PSMD11: variants seen among roughly 807,000 people sequenced by gnomAD.
The protein encoded by PSMD11 is proteasome 26S subunit, non-ATPase 11.
In PSMD11, 5 loss-of-function variants were observed where a neutral mutation model predicts 62.3. That is an observed-to-expected ratio of 0.08 (90% confidence interval 0.04 to 0.17). PSMD11 has a LOEUF of 0.17. Among genes scored for constraint, PSMD11 ranks in the 10% least tolerant of loss-of-function variants. The pLI, the probability that PSMD11 is intolerant of heterozygous loss-of-function variation, is 1.00. For missense variants in PSMD11, 310 were observed against 512.9 expected (o/e 0.60, Z 3.82); for synonymous variants, 191 against 191.8 (o/e 1.00, Z 0.03).
chr17:32,474,535 C>T (rs1908262892), intron 7 of PSMD11, among the ~76,000 whole-genome samples: 1 of 152,094 alleles, frequency 6.6e-6, no homozygotes, highest in Non-Finnish European at 1.5e-5. Flanking sequence ...AGGTTCAGTT[C>T]AGCTTTCTAA....
intron 7 of PSMD11, 105 bp from the exon 8 acceptor site, chr17:32,474,659 C>T: frequency 9.0e-7 from 1 of 1,105,326 alleles, no homozygotes; most frequent in Non-Finnish European, 1.4e-6. Context: ...TCTGTGTGGG[C>T]AGAGTCTTTA....
intron 8 of PSMD11, among the ~76,000 whole-genome samples, chr17:32,475,667 C>T (rs930200405): frequency 2.0e-5 from 3 of 149,834 alleles, no homozygotes; most frequent in African/African-American, 4.9e-5. Flanking sequence ...TGGCGTATCT[C>T]GGCTCACTGC....
intron 5 of PSMD11, among the ~76,000 whole-genome samples, chr17:32,467,977 T>G (rs1281088869): frequency 6.6e-6 from 1 of 152,114 alleles, no homozygotes; most frequent in Non-Finnish European, 1.5e-5. Context: ...TGATAGGCCT[T>G]AGTGTGTGGT....
intron 9 of PSMD11, among the ~76,000 whole-genome samples, chr17:32,478,435 T>A (rs948851016): frequency 5.9e-5 from 9 of 152,224 alleles, no homozygotes; most frequent in African/African-American, 2.2e-4. Context: ...CCATTACTGA[T>A]GGTCCAGTAA....
intron 3 of PSMD11, among the ~76,000 whole-genome samples, chr17:32,455,062 A>T (rs1367297637): frequency 6.6e-6 from 1 of 151,884 alleles, no homozygotes; most frequent in African/African-American, 2.4e-5. Context: ...TGCAGAAGTG[A>T]CTCTGGTGTT....
intron 2 of PSMD11, among the ~76,000 whole-genome samples, chr17:32,452,339 G>A (rs1313789998): frequency 6.6e-6 from 1 of 152,174 alleles, no homozygotes; most frequent in Non-Finnish European, 1.5e-5. Context: ...TACAGGTTAT[G>A]AATTTACAAT....
intron 1 of PSMD11, 141 bp from the exon 2 acceptor site, chr17:32,446,804 G>GTTTT (rs376587076): frequency 2.0e-5 from 7 of 344,122 alleles, no homozygotes; most frequent in South Asian, 4.5e-5. Context: ...CTGGCTTAGA[G>GTTTT]TTTTTTTTTT....
chr17:32,466,950 T>C (rs751689578), intron 5 of PSMD11, among the ~76,000 whole-genome samples: 2 of 152,208 alleles, frequency 1.3e-5, no homozygotes, highest in East Asian at 3.8e-4. Flanking sequence ...TGTTTGTTTG[T>C]TTGTTTTTTC....
chr17:32,473,543 G>C (rs940448893), intron 6 of PSMD11, among the ~76,000 whole-genome samples: 1 of 151,854 alleles, frequency 6.6e-6, no homozygotes, highest in Non-Finnish European at 1.5e-5. Context: ...GCCTCCCAAA[G>C]TGCTGGGATT....
At chr17:32,449,143 G>A (rs917242775) in intron 2 of PSMD11, among the ~76,000 whole-genome samples, 3 of 152,154 alleles carry the variant, frequency 2.0e-5, no homozygotes, top group African/African-American at 7.2e-5. Flanking sequence ...GATGGCTCAT[G>A]CCTGTAATCC....
intron 3 of PSMD11, among the ~76,000 whole-genome samples, chr17:32,459,111 A>ATACACATAT (rs1555616110): frequency 2.1e-4 from 9 of 43,778 alleles, no homozygotes; most frequent in African/African-American, 5.8e-4. Flanking sequence ...AAAAAAAAAA[A>ATACACATAT]ATACATATAT....
intron 3 of PSMD11, among the ~76,000 whole-genome samples, chr17:32,461,816 A>G (rs941086866): frequency 3.9e-5 from 6 of 152,108 alleles, no homozygotes; most frequent in Non-Finnish European, 8.8e-5. Context: ...TACAATTGTG[A>G]TATAGCTTGC....
chr17:32,449,913 CA>C (rs2150828610), intron 2 of PSMD11, among the ~76,000 whole-genome samples: 1 of 152,230 alleles, frequency 6.6e-6, no homozygotes, highest in Admixed American at 6.5e-5. Context: ...CCCTGGCCAA[CA>C]AAAATCACTT....
rs866216988 is a variant in PSMD11 at position 32,479,174 on chromosome 17, G to C, written c.913-77G>C. ...CCATGTAGTTTTATAAGGGCCAGCAGACTATCTAGGAAGCAGGAGTAGCAT... is the reference window on the plus strand; with the variant it reads ...CCATGTAGTTTTATAAGGGCCAGCACACTATCTAGGAAGCAGGAGTAGCAT... On this transcript the variant is annotated intron_variant, in intron 9 of 13. Transcript: ENST00000261712. 20 of 1,554,060 alleles carry C rather than the reference G, an allele frequency of 1.3e-5. No homozygotes were observed. In the Middle Eastern group the frequency reaches 8.6e-4, roughly 67 times the overall value.
intron 8 of PSMD11, among the ~76,000 whole-genome samples, chr17:32,476,142 G>A (rs779156149): frequency 6.6e-6 from 1 of 151,926 alleles, no homozygotes; most frequent in Non-Finnish European, 1.5e-5. Flanking sequence ...TGCATTGGTG[G>A]CTGTAATCCC....
Position 32,444,573 on chromosome 17 carries a change from G to A in PSMD11, c.50G>A (p.Ser17Asn), listed in dbSNP as rs140202481. The stretch of plus-strand genomic sequence containing the variant: ...TTCCAGAGAGCCCAGTCTCTACTCA[G>A]CACCGACCGGGAGGCCTCCATCGAC... ...VEFQRAQSLL[S>N]TDREASIDIL... The change falls in exon 1 of 14, where the codon AGC (serine) becomes AAC (asparagine). Residue 17 changes from serine to asparagine, a missense_variant. Ser to Asn is a conservative substitution (Grantham distance 46, BLOSUM62 1). This residue lies in a region of PSMD11 where 28 missense variants were observed against 21.2 expected (regional missense o/e 1.32). Transcript: ENST00000261712. 46 of 1,611,804 alleles carry A rather than the reference G, an allele frequency of 2.9e-5. No homozygotes were observed. The highest frequency in any genetic ancestry group is 3.9e-5 in the Non-Finnish European group (46 of 1,179,350).
intron 12 of PSMD11, 47 bp from the exon 13 acceptor site, chr17:32,480,442 G>A (rs1466190949): frequency 1.2e-6 from 2 of 1,611,046 alleles, no homozygotes; most frequent in Admixed American, 1.7e-5. Flanking sequence ...AAACACTTTT[G>A]TGTCTAACCT....
At chr17:32,476,290 GCA>G (rs1908319043) in intron 8 of PSMD11, among the ~76,000 whole-genome samples, 2 of 152,170 alleles carry the variant, frequency 1.3e-5, no homozygotes, top group Admixed American at 6.5e-5. Context: ...TAAGAAAGAT[GCA>G]CTACTCTCAC....
chr17:32,476,708 A>G (rs1212018177), intron 8 of PSMD11: 1 of 152,162 alleles, frequency 6.6e-6, no homozygotes, highest in Non-Finnish European at 1.5e-5. Context: ...AGTTGTTCTC[A>G]ACTATTGATT....
Sources: allele counts gnomAD v4.1 joint callset (sites outside exome capture counted in the v4.1 genomes callset), GRCh38; gene constraint gnomAD v4.1.1; regional missense constraint gnomAD v4.1.1; transcripts MANE v1.5; gene names NCBI Gene and HGNC (gene_info 2026-07-23, HGNC 2026-07-21).